Variants in RIMBP2 observed in about 807,000 individuals in gnomAD.
The protein encoded by RIMBP2 is RIMS-binding protein 2.
A neutral mutation model predicts 118.6 loss-of-function variants in RIMBP2; 48 were observed. The ratio of observed to expected loss-of-function variants is 0.40; its 90% CI spans 0.32 to 0.51. The LOEUF (loss-of-function observed/expected upper bound fraction) is 0.51, where lower values mean the gene tolerates loss of function less well. RIMBP2 is among the 20% of genes least tolerant of loss of function. The pLI is 0.41. For synonymous variants in RIMBP2, 762 were observed against 742.9 expected (o/e 1.03, Z -0.42); for missense variants, 1,551 against 1,768.3 (o/e 0.88, Z 2.20).
At chr12:130,545,601 C>T (rs1267489335) in intron 2 of RIMBP2, among the ~76,000 whole-genome samples, 1 of 152,170 alleles carries the variant, frequency 6.6e-6, no homozygotes, top group Non-Finnish European at 1.5e-5. Flanking sequence ...TCAAGGCTGA[C>T]ATTGTATTTC....
intron 4 of RIMBP2, among the ~76,000 whole-genome samples, chr12:130,482,367 G>A (rs2082087964): frequency 6.6e-6 from 1 of 152,222 alleles, no homozygotes; most frequent in South Asian, 2.1e-4. Context: ...GGACAAACGT[G>A]TCTTCATGAG....
rs181950008 is a variant in RIMBP2 at position 130,465,208 on chromosome 12, A to G, written c.153+5485T>C. 1,443 of 152,352 alleles carry G rather than the reference A, an allele frequency of 9.5e-3. 11 individuals are homozygous for G. Among genetic ancestry groups the G allele is most frequent in the Middle Eastern group, 0.034 (10 of 294 alleles). 9.4% of individuals were successfully genotyped at this position (152,352 alleles called of 1,614,324 possible). ...ACGCTGGCCACCCCGAAAGTCTCCC[A>G]GGGAGGAAGGGGGGCTGTTCAGGAA... On this transcript the variant is annotated intron_variant, in intron 6 of 22. Transcript: ENST00000690449.
At chr12:130,456,215 G>A (rs1373057289) in intron 7 of RIMBP2, among the ~76,000 whole-genome samples, 1 of 152,164 alleles carries the variant, frequency 6.6e-6, no homozygotes, top group African/African-American at 2.4e-5. Flanking sequence ...GCATCTGTGT[G>A]ACCCACACTA....
At chr12:130,472,880 C>A (rs2081124617) in intron 5 of RIMBP2, among the ~76,000 whole-genome samples, 1 of 152,298 alleles carries the variant, frequency 6.6e-6, no homozygotes, top group Admixed American at 6.5e-5. Flanking sequence ...TTACACCATT[C>A]TCAAGTTCAG....
chr12:130,559,831 C>G (rs145548247), intron 2 of RIMBP2, among the ~76,000 whole-genome samples: 9 of 152,336 alleles, frequency 5.9e-5, no homozygotes, highest in Non-Finnish European at 1.2e-4. Context: ...ACTTTGTAAC[C>G]AGATGACCTC....
At chr12:130,695,057 C>T (rs4759754) in intron 1 of RIMBP2, among the ~76,000 whole-genome samples, 38,321 of 152,100 alleles carry the variant, frequency 0.25, 5,243 homozygotes, top group South Asian at 0.38. Context: ...ACAATATCTG[C>T]CCTTCCACTA....
chr12:130,669,220 T>A (rs531797736), intron 1 of RIMBP2: 1 of 152,408 alleles, frequency 6.6e-6, no homozygotes, highest in East Asian at 1.9e-4. Flanking sequence ...GACTCACGCC[T>A]GGGCTGGTGG....
At chr12:130,671,123 G>A (rs891974309) in intron 1 of RIMBP2, among the ~76,000 whole-genome samples, 3 of 152,130 alleles carry the variant, frequency 2.0e-5, no homozygotes, top group Non-Finnish European at 4.4e-5. Flanking sequence ...CTGGTGCCAC[G>A]TTTCCTACCA....
At chr12:130,612,082 GT>G (rs1393334089) in intron 2 of RIMBP2, among the ~76,000 whole-genome samples, 1 of 152,150 alleles carries the variant, frequency 6.6e-6, no homozygotes, top group African/African-American at 2.4e-5. Flanking sequence ...CAGAGACAGT[GT>G]GCCAGGGCAG....
chr12:130,629,264 T>C (rs1421989302), intron 1 of RIMBP2, among the ~76,000 whole-genome samples: 1 of 152,212 alleles, frequency 6.6e-6, no homozygotes, highest in Non-Finnish European at 1.5e-5. Context: ...AACTTGGAGC[T>C]GAAGAACCAT....
chr12:130,524,698 G>C (rs1240036414), intron 2 of RIMBP2, among the ~76,000 whole-genome samples: 1 of 152,196 alleles, frequency 6.6e-6, no homozygotes, highest in East Asian at 1.9e-4. Context: ...ATTGAAGAAG[G>C]GTCAGGCTGG....
chr12:130,408,864 C>T (rs985133167), intron 19 of RIMBP2, among the ~76,000 whole-genome samples: 4 of 152,218 alleles, frequency 2.6e-5, no homozygotes, highest in African/African-American at 9.6e-5. Context: ...CAGTGGTTTT[C>T]AGCAGGTACA....
At chr12:130,398,102 G>A (rs1028414151) in intron 22 of RIMBP2, 1 of 152,514 alleles carries the variant, frequency 6.6e-6, no homozygotes, top group Non-Finnish European at 1.5e-5. Context: ...AAGGCCCTTA[G>A]TGGATGCTTG....
chr12:130,545,239 G>A (rs2055005312), intron 2 of RIMBP2, among the ~76,000 whole-genome samples: 1 of 152,170 alleles, frequency 6.6e-6, no homozygotes, highest in Admixed American at 6.5e-5. Flanking sequence ...TCGAGCACAG[G>A]AGATGTTAGA....
chr12:130,529,050 T>C (rs1168391279), intron 2 of RIMBP2, among the ~76,000 whole-genome samples: 1 of 152,184 alleles, frequency 6.6e-6, no homozygotes, highest in East Asian at 1.9e-4. Flanking sequence ...ACAACCCAAG[T>C]GTCGATTGAT....
chr12:130,458,969 G>A (rs941752744), intron 6 of RIMBP2, among the ~76,000 whole-genome samples: 7 of 151,314 alleles, frequency 4.6e-5, no homozygotes, highest in East Asian at 1.9e-4. Context: ...ACTTGAACCC[G>A]GGAGGCAGAG....
intron 22 of RIMBP2, 63 bp downstream of exon 22, chr12:130,399,616 T>C (rs2074337006): frequency 2.0e-5 from 32 of 1,566,542 alleles, no homozygotes; most frequent in Admixed American, 7.1e-5. Flanking sequence ...AGTGCAAAGA[T>C]TGTATTAGAC....
At chr12:130,634,866 T>G (rs2062248836) in intron 1 of RIMBP2, among the ~76,000 whole-genome samples, 1 of 152,188 alleles carries the variant, frequency 6.6e-6, no homozygotes, top group African/African-American at 2.4e-5. Flanking sequence ...CCCAAAGTGC[T>G]GGGATTACAG....
In RIMBP2 at chr12:130,576,776, G is replaced by T. The variant is rs2058112684; in HGVS notation, c.-217+51546C>A. Reference sequence around the variant, plus strand: ...ACCACATGCCACAAACACAAGCTCCGAGTCCTAAACGAATCACACCAGGAT... The same window carrying T: ...ACCACATGCCACAAACACAAGCTCCTAGTCCTAAACGAATCACACCAGGAT... On this transcript the variant is annotated intron_variant, in intron 2 of 22. Transcript: ENST00000690449. The surrounding 1 kb of genome is among the most constrained non-coding windows in gnomAD (Gnocchi z 4.2). Among the ~76,000 whole-genome samples the T allele has an allele frequency of 6.6e-6, 1 of 152,206 alleles. No individual in the cohort carries two copies. Among genetic ancestry groups the T allele is most frequent in the Non-Finnish European group, 1.5e-5 (1 of 68,034 alleles).
Sources: allele counts gnomAD v4.1 joint callset (sites outside exome capture counted in the v4.1 genomes callset), GRCh38; gene constraint gnomAD v4.1.1; non-coding constraint Gnocchi (gnomAD v3.1); transcripts MANE v1.5; gene names NCBI Gene and HGNC (gene_info 2026-07-23, HGNC 2026-07-21).